The following CALN1 variants were observed in gnomAD, a reference collection of about 807,000 sequenced individuals.
The protein encoded by CALN1 is calneuron 1.
CALN1 carries 17 observed loss-of-function variants against 30.6 expected under a neutral mutation model. That is an observed-to-expected ratio of 0.56 (90% confidence interval 0.38 to 0.83). The LOEUF is 0.83. CALN1 is among the 40% of genes least tolerant of loss of function. The probability of loss-of-function intolerance (pLI) is 0.00; values close to 1 mark genes in which losing one functional copy is unlikely to be tolerated. For synonymous variants in CALN1, 156 were observed against 131.4 expected (o/e 1.19, Z -1.28); for missense variants, 291 against 354.9 (o/e 0.82, Z 1.45).
At chr7:72,145,165 A>C (rs1201979352) in intron 3 of CALN1, among the ~76,000 whole-genome samples, 1 of 152,186 alleles carries the variant, frequency 6.6e-6, no homozygotes, top group Non-Finnish European at 1.5e-5. Flanking sequence ...CCCTTCAAAA[A>C]ATCAATGAAT....
chr7:72,406,471 G>C (rs185975211), intron 1 of CALN1, among the ~76,000 whole-genome samples: 89 of 152,224 alleles, frequency 5.8e-4, no homozygotes, highest in African/African-American at 2.0e-3. Context: ...TTAATTTCCA[G>C]AATTTGTCCT....
At chr7:72,089,934 T>G (rs1225006224) in intron 4 of CALN1, among the ~76,000 whole-genome samples, 5 of 152,186 alleles carry the variant, frequency 3.3e-5, no homozygotes, top group Non-Finnish European at 7.3e-5. Context: ...AGCCAGTACC[T>G]TCATGAAAGT....
chr7:72,121,170 A>G (rs1026639600), intron 3 of CALN1, among the ~76,000 whole-genome samples: 6 of 144,758 alleles, frequency 4.1e-5, no homozygotes, highest in Admixed American at 7.0e-5. Flanking sequence ...TCTATATTAT[A>G]TATAATTATA....
chr7:72,087,888 C>T (rs149626698), intron 4 of CALN1, among the ~76,000 whole-genome samples: 1 of 152,056 alleles, frequency 6.6e-6, no homozygotes, highest in African/African-American at 2.4e-5. Context: ...GTACGCTGGG[C>T]GTGATGGTGC....
chr7:72,010,270 G>A (rs751824448), intron 5 of CALN1, among the ~76,000 whole-genome samples: 3 of 152,124 alleles, frequency 2.0e-5, no homozygotes, highest in Non-Finnish European at 4.4e-5. Context: ...AGGGATGAAG[G>A]GATAAAAGGA....
intron 1 of CALN1, among the ~76,000 whole-genome samples, chr7:72,420,948 T>C (rs1168368069): frequency 6.6e-6 from 1 of 151,980 alleles, no homozygotes; most frequent in African/African-American, 2.4e-5. Flanking sequence ...GCAAGGGCCT[T>C]TTTCATATAA....
Position 72,211,516 on chromosome 7 carries a change from T to C in CALN1, c.244+67170A>G, listed in dbSNP as rs148260124. ...TGGGCAAATGAACTTACTCCTATCATAGTTCAGGGTACCCATCTGCAAAAT... is the reference window on the plus strand; with the variant it reads ...TGGGCAAATGAACTTACTCCTATCACAGTTCAGGGTACCCATCTGCAAAAT... On this transcript the variant is annotated intron_variant, in intron 3 of 6. Coordinates refer to ENST00000395275, the MANE Select transcript of CALN1 (RefSeq NM_031468.4). Among the ~76,000 whole-genome samples the C allele has an allele frequency of 4.3e-3, 650 of 152,220 alleles. 5 individuals carry two copies. Among genetic ancestry groups the C allele is most frequent in the African/African-American group, 0.015 (620 of 41,552 alleles).
At chr7:72,314,388 T>TATATACACAC in intron 2 of CALN1, among the ~76,000 whole-genome samples, 1 of 143,752 alleles carries the variant, frequency 7.0e-6, no homozygotes, top group Non-Finnish European at 1.6e-5. Flanking sequence ...TATATACACA[T>TATATACACAC]ATATATACAC....
At chr7:72,261,071 G>T (rs1464408799) in intron 3 of CALN1, among the ~76,000 whole-genome samples, 1 of 152,208 alleles carries the variant, frequency 6.6e-6, no homozygotes, top group Non-Finnish European at 1.5e-5. Context: ...ACTTTGAGAG[G>T]CCGAGGAGGG....
chr7:72,246,312 G>A (rs1175410023), intron 3 of CALN1, among the ~76,000 whole-genome samples: 4 of 152,116 alleles, frequency 2.6e-5, no homozygotes, highest in African/African-American at 7.2e-5. Flanking sequence ...TTAAAATGCT[G>A]ACACCATTGT....
At chr7:72,491,059 A>G in the CALN1 span, among the ~76,000 whole-genome samples, 1 of 152,102 alleles carries the variant, frequency 6.6e-6, no homozygotes, top group Non-Finnish European at 1.5e-5. Flanking sequence ...CCTGGATAAC[A>G]TGGTGAAACC....
chr7:72,363,182 C>T (rs1803666500), intron 2 of CALN1, among the ~76,000 whole-genome samples: 2 of 152,254 alleles, frequency 1.3e-5, no homozygotes, highest in Admixed American at 1.3e-4. Flanking sequence ...TCCCACCCTC[C>T]ACCCTCTGAT....
chr7:71,824,489 G>T (rs1788796417), intron 5 of CALN1, among the ~76,000 whole-genome samples: 1 of 152,120 alleles, frequency 6.6e-6, no homozygotes, highest in East Asian at 1.9e-4. Context: ...GAAATGCCAG[G>T]CTGCCAAAAG....
chr7:72,176,547 G>A (rs1258771172), intron 3 of CALN1, among the ~76,000 whole-genome samples: 6 of 152,034 alleles, frequency 3.9e-5, no homozygotes, highest in South Asian at 2.1e-4. Flanking sequence ...TCCCACTCTC[G>A]CCATGTAACA....
intron 3 of CALN1, among the ~76,000 whole-genome samples, chr7:72,115,305 T>C (rs1807898240): frequency 6.7e-6 from 1 of 148,604 alleles, no homozygotes; most frequent in Non-Finnish European, 1.5e-5. Flanking sequence ...CACTGCTGCT[T>C]TGTATAACTC....
intron 2 of CALN1, among the ~76,000 whole-genome samples, chr7:72,345,474 G>T (rs1292170872): frequency 6.9e-6 from 1 of 145,858 alleles, no homozygotes; most frequent in African/African-American, 2.5e-5. Flanking sequence ...GAAAGAGAGG[G>T]AAGGGAAGGG....
intron 3 of CALN1, among the ~76,000 whole-genome samples, chr7:72,274,807 T>C (rs1797233862): frequency 6.6e-6 from 1 of 152,200 alleles, no homozygotes; most frequent in African/African-American, 2.4e-5. Flanking sequence ...AATGAATGAC[T>C]GTCTCCATCA....
chr7:71,914,303 T>C (rs1270946671), intron 5 of CALN1, among the ~76,000 whole-genome samples: 3 of 152,278 alleles, frequency 2.0e-5, no homozygotes, highest in African/African-American at 7.2e-5. Context: ...GAACATGCAG[T>C]ATTTGGTTTT....
At chr7:72,385,249 A>G (rs1409762844) in intron 2 of CALN1, among the ~76,000 whole-genome samples, 8 of 152,210 alleles carry the variant, frequency 5.3e-5, no homozygotes, top group African/African-American at 9.7e-5. Context: ...GTTTCTTACA[A>G]GGCTAAACGT....
Sources: gnomAD v4.1 joint callset for allele counts (sites outside exome capture counted in the v4.1 genomes callset) on GRCh38, gnomAD v4.1.1 for gene constraint, MANE v1.5 for transcripts, NCBI Gene and HGNC (gene_info 2026-07-23, HGNC 2026-07-21) for gene names.